Variants in KIAA0319 observed in about 807,000 individuals in gnomAD.
KIAA0319 encodes the protein dyslexia-associated protein KIAA0319.
A neutral mutation model predicts 108.4 loss-of-function variants in KIAA0319; 83 were observed. That is an observed-to-expected ratio of 0.77 (90% confidence interval 0.64 to 0.92). The LOEUF (loss-of-function observed/expected upper bound fraction) is 0.92, where lower values mean the gene tolerates loss of function less well. Ranked by LOEUF, KIAA0319 falls within the 40% of genes least tolerant of loss-of-function variation. The pLI, the probability that KIAA0319 is intolerant of heterozygous loss-of-function variation, is 0.00. For missense variants in KIAA0319, 1,195 were observed against 1,322.4 expected (o/e 0.90, Z 1.49); for synonymous variants, 484 against 510.4 (o/e 0.95, Z 0.70).
intron 1 of KIAA0319, among the ~76,000 whole-genome samples, chr6:24,609,245 G>T (rs1049197886): frequency 6.4e-5 from 9 of 141,526 alleles, no homozygotes; most frequent in Non-Finnish European, 9.1e-5. Context: ...TCCAGCCTGG[G>T]TGACAGAGCC....
intron 1 of KIAA0319, among the ~76,000 whole-genome samples, chr6:24,624,226 G>C (rs10456310): frequency 8.5e-6 from 1 of 117,724 alleles, no homozygotes; most frequent in Non-Finnish European, 1.7e-5. Context: ...TTTTTTTGTA[G>C]AGACAGGGTT....
Position 24,641,750 on chromosome 6 carries a change from G to C in KIAA0319, c.-106+3986C>G, listed in dbSNP as rs138291529. ...GTTTTCTTGAAAATGAGACATCTTA[G>C]GCCTTGTATGGTGGCTGATGACTGT... On this transcript the variant is annotated intron_variant, in intron 1 of 20. Coordinates refer to ENST00000378214, the MANE Select transcript of KIAA0319 (RefSeq NM_014809.4). Among the ~76,000 whole-genome samples, 818 of 152,226 alleles carry C rather than the reference G, an allele frequency of 5.4e-3. 4 individuals carry two copies. The highest frequency in any genetic ancestry group is 0.012 in the Admixed American group (187 of 15,282).
At chr6:24,633,264 C>A (rs1333326934) in intron 1 of KIAA0319, among the ~76,000 whole-genome samples, 1 of 152,112 alleles carries the variant, frequency 6.6e-6, no homozygotes, top group Non-Finnish European at 1.5e-5. Context: ...CAGGGAGATC[C>A]CATTCCCAGG....
chr6:24,590,319 A>C (rs5026394), intron 3 of KIAA0319, among the ~76,000 whole-genome samples: 59,117 of 150,552 alleles, frequency 0.39, 11,715 homozygotes, highest in South Asian at 0.45. Context: ...AAACAAGACG[A>C]AATAATGAAA....
At chr6:24,562,180 C>A (rs959362358) in intron 16 of KIAA0319, among the ~76,000 whole-genome samples, 6 of 152,148 alleles carry the variant, frequency 3.9e-5, no homozygotes, top group African/African-American at 7.2e-5. Context: ...TTATTTCATG[C>A]CTAATTTTAG....
chr6:24,596,296 G>T lies in KIAA0319; in HGVS notation c.378C>A (p.Pro126=), dbSNP rs763722667. 1 of 1,614,162 alleles carries T rather than the reference G, an allele frequency of 6.2e-7. No individual in the cohort carries two copies. Among genetic ancestry groups the T allele is most frequent in the African/African-American group, 1.3e-5 (1 of 75,048 alleles). The change falls in exon 3 of 21, where the codon CCC becomes CCA. Residue 126 remains proline, a synonymous_variant. Transcript: ENST00000378214. ...YGDMMLNRGS[P]SGIWGDSPED... is the part of the protein sequence containing the mutation. ...CAGGTGAGTCCCCCCAGATCCCCGA[G>T]GGGGAGCCCCTGTTCAGCATCATGT... is the stretch of plus-strand genomic sequence containing the variant.
rs112462802 is a variant in KIAA0319, at chr6:24,630,653, C to T, written c.-106+15083G>A. Among the ~76,000 whole-genome samples the T allele has an allele frequency of 6.8e-5, 10 of 147,752 alleles. No individual in the cohort carries two copies. In the South Asian group the frequency reaches 1.5e-3, roughly 22 times the overall value. On this transcript the variant is annotated intron_variant, in intron 1 of 20. Transcript: ENST00000378214. ...GGCTGCTTTTCTTCTTTTAGATTCTCGTTCCATTTATTCAATTGTGTGTAT... is the reference window on the plus strand; with the variant it reads ...GGCTGCTTTTCTTCTTTTAGATTCTTGTTCCATTTATTCAATTGTGTGTAT...
chr6:24,554,491 A>T, intron 19 of KIAA0319, 50 bp downstream of exon 19: 1 of 1,318,592 alleles, frequency 7.6e-7, no homozygotes, highest in East Asian at 2.3e-5. Flanking sequence ...AGCTGTCAAA[A>T]CACACTTAGT....
intron 20 of KIAA0319, among the ~76,000 whole-genome samples, chr6:24,550,779 A>C (rs1480006320): frequency 6.6e-6 from 1 of 152,090 alleles, no homozygotes; most frequent in Non-Finnish European, 1.5e-5. Context: ...TAGAAAAAAA[A>C]GCAGGTGCTG....
intron 1 of KIAA0319, among the ~76,000 whole-genome samples, chr6:24,637,511 A>G (rs1365948212): frequency 6.6e-6 from 1 of 152,214 alleles, no homozygotes; most frequent in Non-Finnish European, 1.5e-5. Flanking sequence ...AAACAACTGC[A>G]TTGATGTAGT....
chr6:24,637,710 G>A (rs2127595458), intron 1 of KIAA0319, among the ~76,000 whole-genome samples: 1 of 152,242 alleles, frequency 6.6e-6, no homozygotes, highest in South Asian at 2.1e-4. Flanking sequence ...GGGCAGAAGA[G>A]TGGGACTGAG....
chr6:24,556,429 G>A (rs1261183426), intron 18 of KIAA0319, among the ~76,000 whole-genome samples, 178 bp downstream of exon 18: 1 of 152,134 alleles, frequency 6.6e-6, no homozygotes, highest in Admixed American at 6.5e-5. Flanking sequence ...AGCCTCCTGA[G>A]TAGCAGAGAC....
Position 24,596,406 on chromosome 6 carries a change from G to A in KIAA0319, c.268C>T (p.Pro90Ser). The A allele has an allele frequency of 3.1e-6, 5 of 1,614,222 alleles. No individual in the cohort carries two copies. The highest frequency in any genetic ancestry group is 4.2e-6 in the Non-Finnish European group (5 of 1,180,038). ...GACCTGATGGGGCCCATCTTCTTGG[G>A]CTCACAGTTCTCTTTGTGGGGGCAG... The part of the protein sequence containing the change: ...VSCPHKENCE[P>S]KKMGPIRSYL... The change falls in exon 3 of 21, where the codon CCC becomes TCC. Residue 90 changes from proline to serine, a missense_variant. Pro to Ser is a moderately conservative substitution (Grantham distance 74). Transcript: ENST00000378214.
intron 1 of KIAA0319, among the ~76,000 whole-genome samples, chr6:24,607,338 A>G (rs1039700087): frequency 6.8e-6 from 1 of 147,756 alleles, no homozygotes; most frequent in Admixed American, 6.8e-5. Context: ...CCTGGGCAAC[A>G]AAAGCTAGAC....
intron 1 of KIAA0319, among the ~76,000 whole-genome samples, chr6:24,628,392 A>C (rs1305115167): frequency 6.6e-6 from 1 of 152,184 alleles, no homozygotes; most frequent in Non-Finnish European, 1.5e-5. Context: ...TGATTCTGAA[A>C]GAATTCATGA....
chr6:24,585,151 C>T (rs1363822855), intron 4 of KIAA0319, among the ~76,000 whole-genome samples: 2 of 152,140 alleles, frequency 1.3e-5, no homozygotes, highest in African/African-American at 4.8e-5. Flanking sequence ...ACACATGGAG[C>T]TTTGATACGT....
rs765113436 is a variant in KIAA0319 at position 24,563,480 on chromosome 6, C to T, written c.2470G>A (p.Val824Ile). The T allele has an allele frequency of 3.1e-6, 5 of 1,612,960 alleles. No homozygotes were observed. The highest frequency in any genetic ancestry group is 4.2e-6 in the Non-Finnish European group (5 of 1,179,784). ...TGCTCTGTCAGCTGCCCAACACCAA[C>T]CTGCAGGGTCAGCTCCACCAGGCCA... ...KSGLVELTLQ[V>I]GVGQLTEQRK... Residue 824 changes from valine (V) to isoleucine (I), a missense_variant, in exon 16 of 21, where the codon GTT becomes ATT. By Grantham distance (29) the Val-to-Ile change is conservative (BLOSUM62 3). Transcript: ENST00000378214.
At chr6:24,548,016 G>A (rs373678511) in intron 20 of KIAA0319, among the ~76,000 whole-genome samples, 2 of 152,030 alleles carry the variant, frequency 1.3e-5, no homozygotes, top group Admixed American at 1.3e-4. Context: ...CCAGGTGACA[G>A]AGCAAGACCC....
At chr6:24,629,550 C>T (rs939363857) in intron 1 of KIAA0319, among the ~76,000 whole-genome samples, 4 of 142,844 alleles carry the variant, frequency 2.8e-5, no homozygotes, top group Non-Finnish European at 4.6e-5. Flanking sequence ...ACTCAGAATA[C>T]ATGAAACACT....
Sources: allele counts gnomAD v4.1 joint callset (sites outside exome capture counted in the v4.1 genomes callset), GRCh38; gene constraint gnomAD v4.1.1; transcripts MANE v1.5; gene names NCBI Gene and HGNC (gene_info 2026-07-23, HGNC 2026-07-21).